The following FBXO31 variants were observed in gnomAD, a reference collection of about 807,000 sequenced individuals.
The protein encoded by FBXO31 is F-box protein 31, also known as F-box only protein 31.
FBXO31 carries 24 observed loss-of-function variants against 54.4 expected under a neutral mutation model. That is an observed-to-expected ratio of 0.44 (90% CI 0.32 to 0.62). The LOEUF (loss-of-function observed/expected upper bound fraction) is 0.62. Ranked by LOEUF, FBXO31 falls within the 20% of genes least tolerant of loss-of-function variation. The pLI, the probability that FBXO31 is intolerant of heterozygous loss-of-function variation, is 0.05. For missense variants in FBXO31, 665 were observed against 787.1 expected (o/e 0.84, Z 1.86); for synonymous variants, 388 against 335.6 (o/e 1.16, Z -1.71).
Position 87,343,588 on chromosome 16 carries a change from C to A in FBXO31, c.657+10G>T, listed in dbSNP as rs1409350676. Reference sequence around the variant, plus strand: ...GGACAGTGAGGACCCAGCCCCGCCGCTGCACACACCTGGATGTGGCCGTGG... The same window carrying A: ...GGACAGTGAGGACCCAGCCCCGCCGATGCACACACCTGGATGTGGCCGTGG... On this transcript the variant is annotated intron_variant, in intron 4 of 8. Coordinates refer to ENST00000311635, the MANE Select transcript of FBXO31 (RefSeq NM_024735.5). The A allele has an allele frequency of 6.3e-7, 1 of 1,597,502 alleles. No individual in the cohort carries two copies.
chr16:87,379,014 T>C (rs1056353943), intron 1 of FBXO31, among the ~76,000 whole-genome samples: 6 of 151,708 alleles, frequency 4.0e-5, no homozygotes, highest in Admixed American at 1.3e-4. Flanking sequence ...TAGATATATA[T>C]GTATCCAAAG....
chr16:87,351,918 C>A (rs1307806092), intron 2 of FBXO31, among the ~76,000 whole-genome samples: 1 of 152,114 alleles, frequency 6.6e-6, no homozygotes, highest in Non-Finnish European at 1.5e-5. Flanking sequence ...GAGAGACGCT[C>A]TTCGTTTGTA....
upstream of FBXO31, among the ~76,000 whole-genome samples, chr16:87,390,939 G>A (rs1016573365): frequency 6.6e-6 from 1 of 152,138 alleles, no homozygotes; most frequent in African/African-American, 2.4e-5. Context: ...AGTGTAGAGT[G>A]TATTAGCCTA....
chr16:87,372,479 G>A (rs896161952), intron 1 of FBXO31, among the ~76,000 whole-genome samples: 1 of 152,180 alleles, frequency 6.6e-6, no homozygotes, highest in African/African-American at 2.4e-5. Flanking sequence ...TGGACAGTGC[G>A]TTTATCCAGC....
In FBXO31 at chr16:87,330,727, C is replaced by T. The variant is rs1423599750; in HGVS notation, c.*561G>A. Reference sequence around the variant, plus strand: ...GAAATGGGGATTCACTCCAGAGTCCCGGCCCCAAGCCTGAGATCCTACCAA... The same window carrying T: ...GAAATGGGGATTCACTCCAGAGTCCTGGCCCCAAGCCTGAGATCCTACCAA... On this transcript the variant is annotated 3_prime_UTR_variant, in exon 9 of 9. Transcript: ENST00000311635. 2 of 153,008 alleles carry T rather than the reference C, an allele frequency of 1.3e-5. No individual in the cohort carries two copies. The highest frequency in any genetic ancestry group is 2.9e-5 in the Non-Finnish European group (2 of 68,576). The allele number at this position is 153,008 out of a possible 1,614,324, so 9.5% of individuals were successfully genotyped here. A position where few individuals can be genotyped will look rare whatever the true frequency, so the allele number is the denominator to read the frequency against.
chr16:87,369,480 C>T (rs1031018461), intron 1 of FBXO31, among the ~76,000 whole-genome samples: 4 of 152,204 alleles, frequency 2.6e-5, no homozygotes, highest in African/African-American at 9.7e-5. Context: ...AGCATAATGT[C>T]CTTCAGCTGC....
chr16:87,374,571 G>C (rs1906742941), intron 1 of FBXO31, among the ~76,000 whole-genome samples: 1 of 152,182 alleles, frequency 6.6e-6, no homozygotes, highest in African/African-American at 2.4e-5. Context: ...GGTATTTCTA[G>C]CGATGATGAA....
intron 1 of FBXO31, chr16:87,367,148 C>A (rs1049145882): frequency 1.7e-4 from 26 of 152,194 alleles, no homozygotes; most frequent in African/African-American, 5.8e-4. Context: ...CCAGCCTGGG[C>A]AACACAGTGA....
At chr16:87,351,844 G>A (rs555322572) in intron 2 of FBXO31, among the ~76,000 whole-genome samples, 1 of 152,106 alleles carries the variant, frequency 6.6e-6, no homozygotes, top group African/African-American at 2.4e-5. Context: ...ACTCCAGCCT[G>A]GGCGACAGAC....
At chr16:87,348,048 G>A (rs1035108189) in intron 2 of FBXO31, among the ~76,000 whole-genome samples, 5 of 152,210 alleles carry the variant, frequency 3.3e-5, no homozygotes, top group Admixed American at 6.5e-5. Context: ...GGTCACCCTC[G>A]AAGCTGCCCC....
In FBXO31 at chr16:87,371,574, C is replaced by T. The variant is rs577339692; in HGVS notation, c.341-11208G>A. On this transcript the variant is annotated intron_variant, in intron 1 of 8. Transcript: ENST00000311635. ...TCTCCATCACCCCGGTGGCCAGGGA[C>T]GGCGTTCCTGTCAAAGGACGCTGAC... Among the ~76,000 whole-genome samples the T allele has an allele frequency of 3.3e-5, 5 of 152,366 alleles. No individual in the cohort carries two copies. The East Asian group carries it at 9.6e-4, about 29-fold the overall frequency.
At chr16:87,371,012 A>G (rs183141287) in intron 1 of FBXO31, among the ~76,000 whole-genome samples, 1 of 151,876 alleles carries the variant, frequency 6.6e-6, no homozygotes, top group Non-Finnish European at 1.5e-5. Context: ...ACTCCCCAAC[A>G]CTCCCAGCTC....
intron 2 of FBXO31, among the ~76,000 whole-genome samples, chr16:87,357,253 A>G (rs926857971): frequency 2.0e-5 from 3 of 152,114 alleles, no homozygotes; most frequent in Non-Finnish European, 4.4e-5. Flanking sequence ...CAAAAAAAAA[A>G]AGTGGAGACA....
intron 2 of FBXO31, among the ~76,000 whole-genome samples, chr16:87,349,308 G>T (rs903809399): frequency 6.6e-6 from 1 of 152,084 alleles, no homozygotes; most frequent in African/African-American, 2.4e-5. Flanking sequence ...GAGATATGAA[G>T]AAAATAAAAT....
intron 3 of FBXO31, 65 bp downstream of exon 3, chr16:87,347,109 A>G: frequency 7.0e-7 from 1 of 1,433,244 alleles, no homozygotes; most frequent in Non-Finnish European, 9.8e-7. Flanking sequence ...AGGCCCTCAA[A>G]TTCCTCCACG....
Position 87,383,617 on chromosome 16 carries a change from C to A in FBXO31, c.128G>T (p.Arg43Leu). ...SEPDTDPEEE[R>L]IEASAGVGGG... The stretch of plus-strand genomic sequence containing the variant: ...CCCGACCCCGGCGCTAGCCTCGATG[C>A]GCTCCTCCTCGGGGTCTGTGTCCGG... The change falls in exon 1 of 9, where the codon CGC becomes CTC. Residue 43 changes from arginine (R) to leucine (L), a missense_variant. Physicochemically the swap from Arg to Leu is moderately radical, Grantham distance 102 (BLOSUM62 -2). This residue lies in a region of FBXO31 where 195 missense variants were observed against 174.8 expected (regional missense o/e 1.12). Coordinates refer to ENST00000311635, the MANE Select transcript of FBXO31 (RefSeq NM_024735.5). The surrounding 1 kb of genome is among the most constrained non-coding windows in gnomAD (Gnocchi z 4.9). The A allele has an allele frequency of 2.1e-6, 3 of 1,460,500 alleles. No individual in the cohort carries two copies. The highest frequency in any genetic ancestry group is 2.7e-6 in the Non-Finnish European group (3 of 1,112,292). The allele number at this position is 1,460,500 out of a possible 1,614,324, so 90.5% of individuals were successfully genotyped here.
rs756663247 is a variant in FBXO31, at chr16:87,334,198, T to C, written c.1085A>G (p.Asn362Ser). The change falls in exon 8 of 9, where the codon AAC (asparagine) becomes AGC (serine). Residue 362 changes from asparagine (N) to serine (S), a missense_variant. This residue lies in a region of FBXO31 where 165 missense variants were observed against 159.7 expected (regional missense o/e 1.03). Transcript: ENST00000311635. ...GACGATGCGGGAGAGCTCATTGAAG[T>C]TGCGCTGGTTCTCGAGGTCGGGCAG... ...IQLPDLENQR[N>S]FNELSRIVLE... 1.9e-6 allele frequency: 3 copies of C among 1,612,668 alleles called. No homozygotes were observed. The highest frequency in any genetic ancestry group is 1.1e-5 in the South Asian group (1 of 90,998).
rs1167711196 is a variant in FBXO31 at position 87,327,435 on chromosome 16, A to C, written c.*3853T>G. 3 of 152,594 alleles carry C rather than the reference A, an allele frequency of 2.0e-5. No individual in the cohort carries two copies. The highest frequency in any genetic ancestry group is 4.4e-5 in the Non-Finnish European group (3 of 68,346). 9.5% of individuals were successfully genotyped at this position (152,594 alleles called of 1,614,324 possible). ...CACTTTGGGAGGCCGAGGCGGGTGG[A>C]TCACCTGAGATCGGGAGTTCGAGAC... is the stretch of plus-strand genomic sequence containing the variant. On this transcript the variant is annotated 3_prime_UTR_variant, in exon 9 of 9. Transcript: ENST00000311635.
chr16:87,343,178 G>A (rs1055546583), intron 4 of FBXO31, among the ~76,000 whole-genome samples: 8 of 152,246 alleles, frequency 5.3e-5, no homozygotes, highest in African/African-American at 1.7e-4. Flanking sequence ...AGTGGCGTTT[G>A]CATTTCCCAG....
Sources: gnomAD v4.1 joint callset for allele counts (sites outside exome capture counted in the v4.1 genomes callset) on GRCh38, gnomAD v4.1.1 for gene constraint, gnomAD v4.1.1 regional missense constraint, Gnocchi (gnomAD v3.1) non-coding constraint, MANE v1.5 for transcripts, NCBI Gene and HGNC (gene_info 2026-07-23, HGNC 2026-07-21) for gene names.